Variants in ST18 observed in about 807,000 individuals in gnomAD.
ST18 encodes the protein ST18 C2H2C-type zinc finger transcription factor.
In ST18, 50 loss-of-function variants were observed where a neutral mutation model predicts 110.0. The observed-to-expected ratio is 0.45, with a 90% confidence interval of 0.36 to 0.58. ST18 has a LOEUF of 0.58. Ranked by LOEUF, ST18 falls within the 20% of genes least tolerant of loss-of-function variation. The pLI is 0.00. For synonymous variants in ST18, 461 were observed against 452.4 expected (o/e 1.02, Z -0.24); for missense variants, 1,306 against 1,280.1 (o/e 1.02, Z -0.31).
chr8:52,295,407 T>C (rs965459565), intron 2 of ST18, among the ~76,000 whole-genome samples: 4 of 152,160 alleles, frequency 2.6e-5, no homozygotes, highest in East Asian at 1.9e-4. Flanking sequence ...TGGCTTTTTT[T>C]CCCTCTCTCT....
intron 2 of ST18, among the ~76,000 whole-genome samples, chr8:52,336,218 G>A (rs1461228590): frequency 4.6e-5 from 7 of 151,872 alleles, no homozygotes; most frequent in East Asian, 1.9e-4. Context: ...CCACAATCTC[G>A]GCTCACTGCA....
chr8:52,213,806 C>T (rs2083089924), intron 7 of ST18, among the ~76,000 whole-genome samples: 3 of 152,256 alleles, frequency 2.0e-5, no homozygotes, highest in East Asian at 3.9e-4. Flanking sequence ...AGCCACTAAA[C>T]CAGATAACAT....
intron 8 of ST18, among the ~76,000 whole-genome samples, chr8:52,211,377 AATTATTATTATT>A (rs3054637): frequency 0.025 from 3,481 of 138,414 alleles, 105 homozygotes; most frequent in African/African-American, 0.07. Context: ...GGAATCATCT[AATTATTATTATT>A]ATTATTATTA....
intron 2 of ST18, among the ~76,000 whole-genome samples, chr8:52,327,386 CAA>C (rs1392770194): frequency 3.3e-5 from 5 of 152,232 alleles, no homozygotes; most frequent in African/African-American, 9.6e-5. Context: ...CTCAACTCAC[CAA>C]GAGAGAGTCT....
At chr8:52,401,401 G>A (rs1223189445) in intron 2 of ST18, among the ~76,000 whole-genome samples, 1 of 152,058 alleles carries the variant, frequency 6.6e-6, no homozygotes, top group Non-Finnish European at 1.5e-5. Context: ...CAACTCATTT[G>A]TTAAATAAGT....
At chr8:52,255,364 T>C (rs191352791) in intron 2 of ST18, among the ~76,000 whole-genome samples, 6 of 152,246 alleles carry the variant, frequency 3.9e-5, no homozygotes, top group Admixed American at 3.9e-4. Context: ...AATTAAGTAA[T>C]GGAAAAGGCA....
intron 2 of ST18, among the ~76,000 whole-genome samples, chr8:52,266,507 T>G (rs1015205375): frequency 6.6e-6 from 1 of 151,332 alleles, no homozygotes; most frequent in African/African-American, 2.4e-5. Context: ...GGCAGGCAGA[T>G]CTCACAGGGG....
intron 2 of ST18, among the ~76,000 whole-genome samples, chr8:52,242,677 T>A (rs1564277628): frequency 1.3e-5 from 2 of 151,990 alleles, no homozygotes; most frequent in African/African-American, 4.8e-5. Flanking sequence ...AACCCATGGT[T>A]TAGTAGAGGT....
chr8:52,178,006 A>G (rs1423624675), intron 9 of ST18, among the ~76,000 whole-genome samples: 1 of 152,236 alleles, frequency 6.6e-6, no homozygotes, highest in African/African-American at 2.4e-5. Flanking sequence ...AAACATAGTT[A>G]GCCTATTTTT....
chr8:52,409,677 C>A lies in ST18; in HGVS notation c.-719G>T, dbSNP rs1208889187. 1 of 152,206 alleles carries A rather than the reference C, an allele frequency of 6.6e-6. No individual in the cohort carries two copies. The highest frequency in any genetic ancestry group is 1.9e-4 in the East Asian group (1 of 5,190). 9.4% of individuals were successfully genotyped at this position (152,206 alleles called of 1,614,324 possible). A position where few individuals can be genotyped will look rare whatever the true frequency, so the allele number is the denominator to read the frequency against. On this transcript the variant is annotated 5_prime_UTR_variant, in exon 1 of 26. It adds an upstream start codon to the 5' untranslated region. Coordinates refer to ENST00000689386, the MANE Select transcript of ST18 (RefSeq NM_001352837.2). ...CAGTTACCTCAATTATTTTTCTCTC[C>A]TTACCTCTAGTATTCCCCTGAGGTC...
chr8:52,277,300 C>T (rs550741739), intron 2 of ST18, among the ~76,000 whole-genome samples: 86 of 152,300 alleles, frequency 5.6e-4, no homozygotes, highest in Non-Finnish European at 1.1e-3. Context: ...CTGCTCATCT[C>T]GACCCTGGTT....
intron 2 of ST18, among the ~76,000 whole-genome samples, chr8:52,293,019 C>T (rs1196024108): frequency 2.6e-5 from 4 of 152,188 alleles, no homozygotes; most frequent in East Asian, 1.9e-4. Flanking sequence ...GGAAATTAAT[C>T]GATCGTGAGA....
chr8:52,182,914 A>T (rs1383782131), intron 8 of ST18, among the ~76,000 whole-genome samples: 1 of 152,152 alleles, frequency 6.6e-6, no homozygotes, highest in East Asian at 1.9e-4. Flanking sequence ...AAAAAAAGTC[A>T]TTTCTGACTT....
intron 6 of ST18, among the ~76,000 whole-genome samples, chr8:52,216,319 C>T (rs557554448): frequency 3.5e-4 from 54 of 152,276 alleles, no homozygotes; most frequent in Admixed American, 1.0e-3. Context: ...TCATGGACCT[C>T]CCTTTGACTG....
intron 2 of ST18, among the ~76,000 whole-genome samples, chr8:52,278,616 T>G (rs1398239850): frequency 6.6e-6 from 1 of 152,116 alleles, no homozygotes; most frequent in Non-Finnish European, 1.5e-5. Context: ...ATGCTCATTA[T>G]GAAAAGAGAA....
chr8:52,198,414 C>CA (rs1364275309), intron 8 of ST18, among the ~76,000 whole-genome samples: 7 of 152,036 alleles, frequency 4.6e-5, no homozygotes, highest in Non-Finnish European at 1.0e-4. Context: ...TTTCTGCACA[C>CA]AAAAAACTAA....
At chr8:52,325,381 T>A (rs1805849486) in intron 2 of ST18, among the ~76,000 whole-genome samples, 1 of 152,202 alleles carries the variant, frequency 6.6e-6, no homozygotes, top group Admixed American at 6.5e-5. Context: ...TACTAAGAAA[T>A]CTGTAAATGC....
chr8:52,183,664 GT>G, intron 8 of ST18, among the ~76,000 whole-genome samples: 1 of 152,298 alleles, frequency 6.6e-6, no homozygotes, highest in South Asian at 2.1e-4. Context: ...ATCTGTGCTA[GT>G]AGTGACAAAA....
intron 19 of ST18, among the ~76,000 whole-genome samples, chr8:52,135,568 C>CAAAAAAAAAAAAAAAAAAAAAAA (rs71252929): frequency 3.6e-5 from 2 of 56,144 alleles, no homozygotes; most frequent in African/African-American, 5.6e-5. Flanking sequence ...AACTCCATCT[C>CAAAAAAAAAAAAAAAAAAAAAAA]AAAAAAAAAA....
Sources: allele counts gnomAD v4.1 joint callset (sites outside exome capture counted in the v4.1 genomes callset), GRCh38; gene constraint gnomAD v4.1.1; transcripts MANE v1.5; gene names NCBI Gene and HGNC (gene_info 2026-07-23, HGNC 2026-07-21).